The following RNGTT variants were observed in gnomAD, a reference collection of about 807,000 sequenced individuals.
RNGTT encodes mRNA-capping enzyme.
In RNGTT, 33 loss-of-function variants were observed where a neutral mutation model predicts 79.3. The ratio of observed to expected loss-of-function variants is 0.42; its 90% CI spans 0.32 to 0.56. The LOEUF (loss-of-function observed/expected upper bound fraction) is 0.56. RNGTT is among the 20% of genes least tolerant of loss of function. The pLI is 0.17. For missense variants in RNGTT, 497 were observed against 739.1 expected (o/e 0.67, Z 3.80); for synonymous variants, 222 against 235.9 (o/e 0.94, Z 0.54).
intron 11 of RNGTT, among the ~76,000 whole-genome samples, chr6:88,837,080 G>A (rs887714563): frequency 6.6e-6 from 1 of 152,054 alleles, no homozygotes; most frequent in African/African-American, 2.4e-5. Flanking sequence ...TAAAAAAGCA[G>A]GTAATTCCAA....
intron 11 of RNGTT, among the ~76,000 whole-genome samples, chr6:88,803,666 CAAAAA>C (rs34399112): frequency 7.9e-6 from 1 of 127,300 alleles, no homozygotes; most frequent in Non-Finnish European, 1.7e-5. Context: ...TCTCTTTTTT[CAAAAA>C]AAAAAAAAAG....
chr6:88,717,432 C>T (rs977394388), intron 13 of RNGTT, among the ~76,000 whole-genome samples: 5 of 152,118 alleles, frequency 3.3e-5, no homozygotes, highest in Admixed American at 2.0e-4. Context: ...GATTTCAATT[C>T]AACAAGTAAT....
chr6:88,668,002 A>G (rs1010675668), intron 14 of RNGTT, among the ~76,000 whole-genome samples: 8 of 152,172 alleles, frequency 5.3e-5, no homozygotes, highest in African/African-American at 1.7e-4. Flanking sequence ...GAGGACTTCC[A>G]GGCACTCCTC....
intron 13 of RNGTT, among the ~76,000 whole-genome samples, chr6:88,681,260 C>A (rs1384342226): frequency 6.6e-6 from 1 of 152,108 alleles, no homozygotes; most frequent in Non-Finnish European, 1.5e-5. Flanking sequence ...AGGAAGTTTG[C>A]CAATATACTA....
At chr6:88,882,338 C>A (rs1217731169) in intron 8 of RNGTT, among the ~76,000 whole-genome samples, 2 of 152,152 alleles carry the variant, frequency 1.3e-5, no homozygotes, top group East Asian at 3.8e-4. Flanking sequence ...CAATTATCCA[C>A]AAATAATTTA....
At chr6:88,615,470 C>T (rs116120173) in intron 14 of RNGTT, among the ~76,000 whole-genome samples, 1 of 152,144 alleles carries the variant, frequency 6.6e-6, no homozygotes, top group Non-Finnish European at 1.5e-5. Context: ...AGGTGCAATA[C>T]ACTCAGTGGT....
intron 8 of RNGTT, among the ~76,000 whole-genome samples, chr6:88,880,063 T>A (rs977796793): frequency 6.6e-6 from 1 of 152,168 alleles, no homozygotes; most frequent in Non-Finnish European, 1.5e-5. Context: ...GAACGAAAAC[T>A]TAAAGCTGGA....
At chr6:88,614,514 G>T in intron 14 of RNGTT, 119 bp from the exon 15 acceptor site, 1 of 929,376 alleles carries the variant, frequency 1.1e-6, no homozygotes, top group Non-Finnish European at 1.6e-6. Context: ...CATGCAGAGA[G>T]CTCTTTGTCA....
rs886879750 is a variant in RNGTT, at chr6:88,610,314, A to C, written c.*2405T>G. The C allele has an allele frequency of 1.3e-5, 2 of 152,666 alleles. No homozygotes were observed. The highest frequency in any genetic ancestry group is 2.4e-5 in the African/African-American group (1 of 41,456). The allele number at this position is 152,666 out of a possible 1,614,324, so 9.5% of individuals were successfully genotyped here. On this transcript the variant is annotated 3_prime_UTR_variant, in exon 16 of 16. Transcript: ENST00000369485. ...TTTATTACAATACGCACTGACACAC[A>C]ATTGGAAAAGGAATGTCCTGACATT... is the stretch of plus-strand genomic sequence containing the variant.
At chr6:88,822,342 C>A (rs973193992) in intron 11 of RNGTT, among the ~76,000 whole-genome samples, 6 of 152,000 alleles carry the variant, frequency 3.9e-5, no homozygotes, top group Non-Finnish European at 8.8e-5. Context: ...TGTCCAACAC[C>A]AATATAATAC....
chr6:88,693,342 A>G (rs948758728), intron 13 of RNGTT, among the ~76,000 whole-genome samples: 1 of 152,178 alleles, frequency 6.6e-6, no homozygotes, highest in African/African-American at 2.4e-5. Flanking sequence ...ATGAACAACT[A>G]TATGCCAATA....
At chr6:88,642,682 T>C (rs1346327363) in intron 14 of RNGTT, among the ~76,000 whole-genome samples, 1 of 152,202 alleles carries the variant, frequency 6.6e-6, no homozygotes, top group Non-Finnish European at 1.5e-5. Context: ...GCTGAATTTA[T>C]GACCATGGGC....
In RNGTT at chr6:88,755,838, G is replaced by A. The variant is rs1354006924; in HGVS notation, c.1439+13936C>T. On this transcript the variant is annotated intron_variant, in intron 13 of 15. Transcript: ENST00000369485. ...TAGCCAGGCATGGTGGCGGGCGCCT[G>A]TAATCTCAGCTACTTAGGAGGCTGA... is the stretch of plus-strand genomic sequence containing the variant. 2.0e-5 allele frequency among the ~76,000 whole-genome samples: 3 copies of A among 151,310 alleles called. No homozygotes were observed. In the South Asian group the frequency reaches 6.3e-4, roughly 32 times the overall value.
At chr6:88,905,969 A>T (rs769536559) in intron 5 of RNGTT, among the ~76,000 whole-genome samples, 2 of 151,884 alleles carry the variant, frequency 1.3e-5, no homozygotes, top group African/African-American at 4.8e-5. Context: ...ACATATGGAG[A>T]CCTCCTCACT....
chr6:88,847,945 T>C (rs558601084), intron 10 of RNGTT, among the ~76,000 whole-genome samples: 1 of 149,056 alleles, frequency 6.7e-6, no homozygotes, highest in South Asian at 2.1e-4. Context: ...AAAAGAAAAA[T>C]ACAAACAAAT....
chr6:88,692,207 C>G lies in RNGTT; in HGVS notation c.1440-13788G>C, dbSNP rs12661514. Among the ~76,000 whole-genome samples, 69 of 152,218 alleles carry G rather than the reference C, an allele frequency of 4.5e-4. 2 individuals carry two copies. In the East Asian group the frequency reaches 0.013, roughly 29 times the overall value. ...GCCCATGACTACTCTGGCTTACTAC[C>G]TGGAGCTTTCAGACCACAGTGCAAG... On this transcript the variant is annotated intron_variant, in intron 13 of 15. Coordinates refer to ENST00000369485, the MANE Select transcript of RNGTT (RefSeq NM_003800.5).
intron 12 of RNGTT, among the ~76,000 whole-genome samples, chr6:88,786,284 T>A (rs1779227079): frequency 6.6e-6 from 1 of 151,900 alleles, no homozygotes; most frequent in South Asian, 2.1e-4. Flanking sequence ...CATGTAAAAC[T>A]GTAATATGCT....
Position 88,849,796 on chromosome 6 carries a change from C to A in RNGTT, c.1063G>T (p.Ala355Ser). ...TCATATATCAAATATCTAGGAACAG[C>A]CTGTCCATTTACTCTGTCAATAATC... ...EMIIDRVNGQ[A>S]VPRYLIYDII... The change falls in exon 10 of 16, where the codon GCT becomes TCT. Residue 355 changes from alanine (A) to serine (S), a missense_variant. Physicochemically the swap from Ala to Ser is moderately conservative, Grantham distance 99. This residue lies in a region of RNGTT where 440 missense variants were observed against 671.5 expected (regional missense o/e 0.66). Coordinates refer to ENST00000369485, the MANE Select transcript of RNGTT (RefSeq NM_003800.5). The A allele has an allele frequency of 6.4e-7, 1 of 1,569,436 alleles. No homozygotes were observed. The highest frequency in any genetic ancestry group is 8.6e-7 in the Non-Finnish European group (1 of 1,158,604).
At chr6:88,854,694 A>G (rs1350773012) in intron 8 of RNGTT, among the ~76,000 whole-genome samples, 1 of 152,218 alleles carries the variant, frequency 6.6e-6, no homozygotes, top group Admixed American at 6.5e-5. Context: ...ACACAGCCAT[A>G]AGATTTTCAA....
Sources: allele counts gnomAD v4.1 joint callset (sites outside exome capture counted in the v4.1 genomes callset), GRCh38; gene constraint gnomAD v4.1.1; regional missense constraint gnomAD v4.1.1; transcripts MANE v1.5; gene names NCBI Gene and HGNC (gene_info 2026-07-23, HGNC 2026-07-21).